Variants in DLC1 observed in about 807,000 individuals in gnomAD.
DLC1 encodes rho GTPase-activating protein 7.
DLC1 carries 54 observed loss-of-function variants against 140.3 expected under a neutral mutation model. That is an observed-to-expected ratio of 0.38 (90% CI 0.31 to 0.48). The LOEUF is 0.48. Ranked by LOEUF, DLC1 falls within the 20% of genes least tolerant of loss-of-function variation. DLC1 has a pLI of 0.96. For synonymous variants in DLC1, 986 were observed against 728.1 expected, an observed-to-expected ratio of 1.35 and a Z score of -5.70; for missense variants, 2,536 against 1,907.0, an observed-to-expected ratio of 1.33 and a Z score of -6.14.
chr8:13,098,242 C>T (rs924553057), intron 10 of DLC1, among the ~76,000 whole-genome samples, 157 bp downstream of exon 10: 6 of 151,936 alleles, frequency 3.9e-5, no homozygotes, highest in African/African-American at 7.3e-5. Context: ...AACAAACAAA[C>T]AAACAAACAA....
chr8:13,496,121 C>A (rs1801487848), intron 2 of DLC1, among the ~76,000 whole-genome samples: 1 of 152,118 alleles, frequency 6.6e-6, no homozygotes, highest in African/African-American at 2.4e-5. Context: ...GACCATTTGC[C>A]ACTGCATTCC....
intron 5 of DLC1, among the ~76,000 whole-genome samples, chr8:13,170,867 C>T (rs905829888): frequency 6.6e-6 from 1 of 151,968 alleles, no homozygotes; most frequent in Non-Finnish European, 1.5e-5. Context: ...GAGGTGTTCT[C>T]AGTCGTGGGC....
At chr8:13,174,943 A>T (rs1307419528) in intron 5 of DLC1, among the ~76,000 whole-genome samples, 1 of 152,138 alleles carries the variant, frequency 6.6e-6, no homozygotes, top group Non-Finnish European at 1.5e-5. Flanking sequence ...AAGGCAAAGA[A>T]TTGATACTCA....
chr8:13,229,518 A>G (rs1349252152), intron 5 of DLC1, among the ~76,000 whole-genome samples: 1 of 152,140 alleles, frequency 6.6e-6, no homozygotes, highest in African/African-American at 2.4e-5. Context: ...CTAAAATTAC[A>G]CAACTCCATG....
chr8:13,425,960 G>A (rs1012581256), intron 2 of DLC1, among the ~76,000 whole-genome samples: 1 of 152,060 alleles, frequency 6.6e-6, no homozygotes, highest in Non-Finnish European at 1.5e-5. Flanking sequence ...CCACAGGCAT[G>A]CACCACCACA....
At chr8:13,361,662 T>A (rs1017087876) in intron 4 of DLC1, among the ~76,000 whole-genome samples, 2 of 152,176 alleles carry the variant, frequency 1.3e-5, no homozygotes, top group Non-Finnish European at 2.9e-5. Flanking sequence ...ATATTATTAT[T>A]TCCTATATTT....
chr8:13,177,296 A>G (rs1825806473), intron 5 of DLC1, among the ~76,000 whole-genome samples: 1 of 152,178 alleles, frequency 6.6e-6, no homozygotes, highest in Non-Finnish European at 1.5e-5. Flanking sequence ...TGTGCTAAAA[A>G]GTGTCAATTT....
chr8:13,116,151 G>A, intron 5 of DLC1: 1 of 986,476 alleles, frequency 1.0e-6, no homozygotes, highest in South Asian at 4.7e-5. Flanking sequence ...CTGACCTTGT[G>A]TTGTTTCACT....
intron 5 of DLC1, among the ~76,000 whole-genome samples, chr8:13,220,604 G>A (rs1264252396): frequency 2.0e-5 from 3 of 152,080 alleles, no homozygotes; most frequent in African/African-American, 7.2e-5. Context: ...AAGAAAAGAA[G>A]CAGACACTCC....
intron 1 of DLC1, among the ~76,000 whole-genome samples, chr8:13,600,306 T>G (rs1302221520): frequency 1.3e-5 from 2 of 151,888 alleles, no homozygotes; most frequent in Admixed American, 6.6e-5. Flanking sequence ...AAACTTTAAG[T>G]AAGAAGAGAC....
intron 5 of DLC1, among the ~76,000 whole-genome samples, chr8:13,209,871 C>T (rs547727883): frequency 6.6e-6 from 1 of 152,178 alleles, no homozygotes; most frequent in South Asian, 2.1e-4. Context: ...GAACCAGGAG[C>T]CAATTAAACC....
chr8:13,479,073 C>T (rs957399274), intron 2 of DLC1, among the ~76,000 whole-genome samples: 12 of 152,148 alleles, frequency 7.9e-5, no homozygotes, highest in Admixed American at 7.9e-4. Flanking sequence ...GTTCATTCCA[C>T]CCCTTAGTTG....
At position 13,149,516 on chromosome 8, in the gene DLC1, T is replaced by G. The variant is rs751389756; in HGVS notation, c.1349-33859A>C. ...GGTCATAAAAATATAGTATTTGCCC[T>G]CTCTGTGTCTATTCCTCATCTCAGT... On this transcript the variant is annotated intron_variant, in intron 5 of 17. Coordinates refer to ENST00000276297, the MANE Select transcript of DLC1 (RefSeq NM_182643.3). 7.0e-4 allele frequency among the ~76,000 whole-genome samples: 106 copies of G among 152,328 alleles called. 1 individual carries two copies. The highest frequency in any genetic ancestry group is 2.4e-3 in the African/African-American group (101 of 41,572).
intron 2 of DLC1, among the ~76,000 whole-genome samples, chr8:13,485,411 C>A (rs189628691): frequency 1.3e-5 from 2 of 152,232 alleles, no homozygotes; most frequent in Non-Finnish European, 2.9e-5. Flanking sequence ...GCCACCCTAC[C>A]CTATTTTCTG....
intron 1 of DLC1, among the ~76,000 whole-genome samples, chr8:13,578,457 G>A (rs574323341): frequency 6.6e-6 from 1 of 152,154 alleles, no homozygotes; most frequent in Non-Finnish European, 1.5e-5. Flanking sequence ...AATTCATTCA[G>A]TTCTGACATA....
chr8:13,175,917 T>C (rs914381447), intron 5 of DLC1, among the ~76,000 whole-genome samples: 1 of 152,186 alleles, frequency 6.6e-6, no homozygotes, highest in African/African-American at 2.4e-5. Context: ...TATCTGTTCT[T>C]CATTTCTATA....
At chr8:13,251,058 T>C (rs1829982202) in intron 5 of DLC1, among the ~76,000 whole-genome samples, 1 of 152,226 alleles carries the variant, frequency 6.6e-6, no homozygotes, top group African/African-American at 2.4e-5. Flanking sequence ...GGTTGGTATC[T>C]GGTGAGGCCT....
intron 5 of DLC1, among the ~76,000 whole-genome samples, chr8:13,218,735 T>C (rs949579937): frequency 6.8e-6 from 1 of 146,852 alleles, no homozygotes; most frequent in African/African-American, 2.5e-5. Context: ...GTTAAATATA[T>C]AATTATCATA....
intron 5 of DLC1, among the ~76,000 whole-genome samples, chr8:13,233,702 G>A (rs768400378): frequency 8.5e-5 from 13 of 152,154 alleles, no homozygotes; most frequent in Admixed American, 4.6e-4. Context: ...ACACATGAAT[G>A]AAAGTAAAAC....
Sources: gnomAD v4.1 joint callset for allele counts (sites outside exome capture counted in the v4.1 genomes callset) on GRCh38, gnomAD v4.1.1 for gene constraint, MANE v1.5 for transcripts, NCBI Gene and HGNC (gene_info 2026-07-23, HGNC 2026-07-21) for gene names.